The following PUS10 variants were observed in gnomAD, a reference collection of about 807,000 sequenced individuals.
PUS10 encodes the protein pseudouridine synthase 10.
Under a neutral mutation model 75.0 loss-of-function variants are expected in PUS10, and 59 were observed. That is an observed-to-expected ratio of 0.79 (90% CI 0.64 to 0.98). PUS10 has a LOEUF of 0.98. PUS10 is among the 50% of genes least tolerant of loss of function. PUS10 has a pLI of 0.00. For missense variants in PUS10, 650 were observed against 614.4 expected (o/e 1.06, Z -0.61); for synonymous variants, 219 against 211.6 (o/e 1.03, Z -0.30).
At chr2:60,943,418 A>G (rs1438512820) in intron 17 of PUS10, among the ~76,000 whole-genome samples, 1 of 151,984 alleles carries the variant, frequency 6.6e-6, no homozygotes, top group Non-Finnish European at 1.5e-5. Context: ...TTGTCTCCAC[A>G]TAAACACATA....
chr2:60,971,894 G>C (rs182709418), intron 4 of PUS10, among the ~76,000 whole-genome samples: 1 of 128,940 alleles, frequency 7.8e-6, no homozygotes, highest in African/African-American at 3.0e-5. Flanking sequence ...TTTTTGAGAC[G>C]GAGTCTCGCT....
At chr2:60,943,199 CTTG>C (rs1558850137) in intron 17 of PUS10, among the ~76,000 whole-genome samples, 1 of 152,050 alleles carries the variant, frequency 6.6e-6, no homozygotes, top group East Asian at 1.9e-4. Flanking sequence ...AGCCTATAGT[CTTG>C]TTGTAACACA....
chr2:60,980,886 G>T (rs1014746267), intron 4 of PUS10, among the ~76,000 whole-genome samples: 1 of 151,958 alleles, frequency 6.6e-6, no homozygotes, highest in Non-Finnish European at 1.5e-5. Flanking sequence ...TTTGGTTAAG[G>T]ACCCATTACA....
chr2:61,018,002 G>T lies in PUS10; in HGVS notation c.-16+6C>A. On this transcript the variant is annotated splice_donor_region_variant and intron_variant, in intron 1 of 17. Transcript: ENST00000316752. ...ATAGGGGCCGAGGTGGAGCTGGGGC[G>T]CTTACCAGTGGGGACTTTAGTGTCT... The T allele has an allele frequency of 1.5e-6, 2 of 1,333,460 alleles. No individual in the cohort carries two copies. Among genetic ancestry groups the T allele is most frequent in the Non-Finnish European group, 2.0e-6 (2 of 985,304 alleles). The allele number at this position is 1,333,460 out of a possible 1,614,324, so 82.6% of individuals were successfully genotyped here.
intron 11 of PUS10, among the ~76,000 whole-genome samples, chr2:60,955,553 T>C (rs1020093747): frequency 6.6e-6 from 1 of 152,128 alleles, no homozygotes; most frequent in Admixed American, 6.5e-5. Context: ...GGTCTTTAAC[T>C]CCTGAATTCA....
rs567560125 is a variant in PUS10 at position 61,010,560 on chromosome 2, C to A, written c.126+1205G>T. 246 of 365,746 alleles carry A rather than the reference C, an allele frequency of 6.7e-4. 1 individual carries two copies. Among genetic ancestry groups the A allele is most frequent in the African/African-American group, 4.6e-3 (226 of 49,008 alleles). 22.7% of individuals were successfully genotyped at this position (365,746 alleles called of 1,614,324 possible). ...CAGGCTGGTCTTGAACCCCTGACCT[C>A]GTGATCCACCCGCCTCGGCCTCCCA... On this transcript the variant is annotated intron_variant, in intron 2 of 17. Coordinates refer to ENST00000316752, the MANE Select transcript of PUS10 (RefSeq NM_144709.4).
At chr2:60,975,779 T>C (rs1008784301) in intron 4 of PUS10, among the ~76,000 whole-genome samples, 1 of 151,832 alleles carries the variant, frequency 6.6e-6, no homozygotes, top group African/African-American at 2.4e-5. Context: ...TCTTTTATTT[T>C]GAGACAGAGT....
chr2:60,983,843 C>A (rs1046594753), intron 4 of PUS10, among the ~76,000 whole-genome samples: 57 of 151,528 alleles, frequency 3.8e-4, no homozygotes, highest in African/African-American at 1.3e-3. Flanking sequence ...TAACTGCATA[C>A]CTAGATAATA....
Position 60,973,875 on chromosome 2 carries a change from A to C in PUS10, c.469-2318T>G, listed in dbSNP as rs185228185. Among the ~76,000 whole-genome samples, 9 of 152,352 alleles carry C rather than the reference A, an allele frequency of 5.9e-5. No individual in the cohort carries two copies. The East Asian group carries it at 1.5e-3, about 26-fold the overall frequency. ...GAGGCCCATATAAAGCCCTGGACTC[A>C]GCCAGACCCAAAGAGATGAGGGGAC... On this transcript the variant is annotated intron_variant, in intron 4 of 17. Transcript: ENST00000316752.
chr2:60,995,496 T>C lies in PUS10; in HGVS notation c.468+11061A>G, dbSNP rs139096172. Among the ~76,000 whole-genome samples the C allele has an allele frequency of 2.9e-4, 44 of 152,312 alleles. 1 individual carries two copies. The East Asian group carries it at 8.3e-3, about 29-fold the overall frequency. ...TATTAGGTCTAAAACACAGTGGTGG[T>C]ATCAGAAAAAAGGACAGTTCTACGC... is the stretch of plus-strand genomic sequence containing the variant. On this transcript the variant is annotated intron_variant, in intron 4 of 17. Coordinates refer to ENST00000316752, the MANE Select transcript of PUS10 (RefSeq NM_144709.4).
In PUS10 at chr2:60,967,598, C is replaced by A. The variant is rs536814117; in HGVS notation, c.519G>T (p.Ser173=). The A allele has an allele frequency of 7.5e-6, 12 of 1,600,814 alleles. No homozygotes were observed. Among genetic ancestry groups the A allele is most frequent in the Admixed American group, 3.5e-5 (2 of 57,380 alleles). ...VKQEMGKQSL[S]LGRDDIVQLK... is the part of the protein sequence containing the mutation. The stretch of plus-strand genomic sequence containing the variant: ...GCTGAACTATATCATCTCTTCCCAG[C>A]GACAGACTCTGCTTTCTGAATAACA... Residue 173 remains serine, a synonymous_variant, in exon 6 of 18, where the codon TCG becomes TCT. Transcript: ENST00000316752.
chr2:61,014,144 C>T (rs895726659), intron 1 of PUS10, among the ~76,000 whole-genome samples: 1 of 152,038 alleles, frequency 6.6e-6, no homozygotes, highest in East Asian at 1.9e-4. Flanking sequence ...GAAGCCGAGG[C>T]GGGCGGATCA....
rs1679626259 is a variant in PUS10, at chr2:61,011,862, T to G, written c.29A>C (p.His10Pro). MFPLTEENK[H>P]VAQLLLNTGT... Reference sequence around the variant, plus strand: ...AGTATTGAGCAACAACTGGGCCACATGCTTGTTTTCCTCAGTCAGTGGGAA... The same window carrying G: ...AGTATTGAGCAACAACTGGGCCACAGGCTTGTTTTCCTCAGTCAGTGGGAA... Residue 10 changes from histidine to proline, a missense_variant, in exon 2 of 18, where the codon CAT becomes CCT. By Grantham distance (77) the His-to-Pro change is moderately conservative. Coordinates refer to ENST00000316752, the MANE Select transcript of PUS10 (RefSeq NM_144709.4). The G allele has an allele frequency of 1.2e-6, 2 of 1,606,756 alleles. No homozygotes were observed. Among genetic ancestry groups the G allele is most frequent in the Non-Finnish European group, 8.5e-7 (1 of 1,177,158 alleles).
intron 17 of PUS10, among the ~76,000 whole-genome samples, chr2:60,943,100 A>C (rs539376712): frequency 1.1e-4 from 17 of 152,012 alleles, no homozygotes; most frequent in African/African-American, 4.1e-4. Context: ...GTGACCACCA[A>C]TTTTCCCTCA....
intron 17 of PUS10, 72 bp from the exon 18 acceptor site, chr2:60,942,505 A>T: frequency 8.3e-7 from 1 of 1,202,390 alleles, no homozygotes; most frequent in Non-Finnish European, 1.2e-6. Context: ...AATGCTGTAT[A>T]AATTTAATAG....
intron 8 of PUS10, 100 bp downstream of exon 8, chr2:60,964,958 G>C (rs934854280): frequency 2.0e-6 from 2 of 991,226 alleles, no homozygotes; most frequent in African/African-American, 3.3e-5. Context: ...TAGTATAATA[G>C]AGTTGCCATG....
rs186293296 is a variant in PUS10 at position 61,010,404 on chromosome 2, C to T, written c.126+1361G>A. ...CATGATCTCGGCTCACTGCAACCTC[C>T]GCACCCCCCACCCCTGGGTTCAAGC... On this transcript the variant is annotated intron_variant, in intron 2 of 17. Coordinates refer to ENST00000316752, the MANE Select transcript of PUS10 (RefSeq NM_144709.4). The T allele has an allele frequency of 4.4e-5, 8 of 180,816 alleles. No homozygotes were observed. The East Asian group carries it at 6.6e-4, about 15-fold the overall frequency. The allele number at this position is 180,816 out of a possible 1,614,324, so 11.2% of individuals were successfully genotyped here.
chr2:60,987,010 A>G (rs955918169), intron 4 of PUS10, among the ~76,000 whole-genome samples: 66 of 152,254 alleles, frequency 4.3e-4, no homozygotes, highest in African/African-American at 1.6e-3. Context: ...CTCTCTGTTC[A>G]GTAATTCGAA....
chr2:60,990,859 C>G (rs568480985), intron 4 of PUS10, among the ~76,000 whole-genome samples: 1 of 152,304 alleles, frequency 6.6e-6, no homozygotes, highest in African/African-American at 2.4e-5. Context: ...ATCCTCCCAC[C>G]TCAGCCTCCT....
Sources: allele counts gnomAD v4.1 joint callset (sites outside exome capture counted in the v4.1 genomes callset), GRCh38; gene constraint gnomAD v4.1.1; transcripts MANE v1.5; gene names NCBI Gene and HGNC (gene_info 2026-07-23, HGNC 2026-07-21).